BABAM2: variants seen among roughly 807,000 people sequenced by gnomAD.
BABAM2 encodes BRISC and BRCA1-A complex member 2.
A neutral mutation model predicts 54.7 loss-of-function variants in BABAM2; 31 were observed. The observed-to-expected ratio is 0.57, with a 90% CI of 0.43 to 0.77. The LOEUF (loss-of-function observed/expected upper bound fraction) is 0.77, where lower values mean the gene tolerates loss of function less well. Ranked by LOEUF, BABAM2 falls within the 30% of genes least tolerant of loss-of-function variation. BABAM2 has a pLI of 0.00. For missense variants in BABAM2, 364 were observed against 455.8 expected, an observed-to-expected ratio of 0.80 and a Z score of 1.83; for synonymous variants, 167 against 162.9, an observed-to-expected ratio of 1.03 and a Z score of -0.19.
chr2:28,183,768 C>CACAT (rs1675922662), intron 7 of BABAM2, among the ~76,000 whole-genome samples: 1 of 151,906 alleles, frequency 6.6e-6, no homozygotes, highest in Admixed American at 6.6e-5. Flanking sequence ...CACACACACA[C>CACAT]ACACACGTAC....
chr2:27,894,512 A>G (rs777021657), intron 1 of BABAM2, 21 bp from the exon 2 acceptor site: 2 of 1,609,392 alleles, frequency 1.2e-6, no homozygotes. Context: ...CCTGATCATT[A>G]TTCTTTCCTT....
intron 9 of BABAM2, among the ~76,000 whole-genome samples, chr2:28,241,701 T>A (rs961356145): frequency 4.0e-5 from 6 of 151,770 alleles, no homozygotes; most frequent in Admixed American, 3.3e-4. Flanking sequence ...CACCATGTTG[T>A]CCAGGCTGGT....
intron 3 of BABAM2, among the ~76,000 whole-genome samples, chr2:27,949,810 C>T (rs537505683): frequency 1.3e-5 from 2 of 152,206 alleles, no homozygotes; most frequent in South Asian, 4.1e-4. Context: ...AACTGGCACC[C>T]ATCTCTTTAA....
intron 7 of BABAM2, among the ~76,000 whole-genome samples, chr2:28,196,023 T>A (rs914922751): frequency 1.3e-5 from 2 of 152,208 alleles, no homozygotes; most frequent in African/African-American, 4.8e-5. Flanking sequence ...CAGTGTACAA[T>A]GAACTCAAAG....
intron 7 of BABAM2, among the ~76,000 whole-genome samples, chr2:28,137,063 G>A (rs906667829): frequency 2.6e-5 from 4 of 151,548 alleles, no homozygotes; most frequent in African/African-American, 9.7e-5. Context: ...AAAACAATGA[G>A]AAAAATTGTA....
intron 3 of BABAM2, among the ~76,000 whole-genome samples, chr2:27,961,728 T>G (rs1670485349): frequency 6.8e-6 from 1 of 146,206 alleles, no homozygotes; most frequent in African/African-American, 2.5e-5. Flanking sequence ...TTATCTTTTT[T>G]TTTTTTTTTT....
chr2:27,919,634 TA>T (rs1419119676), intron 2 of BABAM2, among the ~76,000 whole-genome samples: 1 of 152,188 alleles, frequency 6.6e-6, no homozygotes, highest in African/African-American at 2.4e-5. Context: ...TTAGCAGAGT[TA>T]ATTAAATGCA....
chr2:28,219,714 C>T (rs754439499), intron 7 of BABAM2, among the ~76,000 whole-genome samples: 7 of 151,360 alleles, frequency 4.6e-5, no homozygotes, highest in Non-Finnish European at 1.0e-4. Flanking sequence ...TGAGAAATTG[C>T]TTTATGTTTA....
chr2:28,164,876 G>T (rs377586854), intron 7 of BABAM2, among the ~76,000 whole-genome samples: 1 of 152,028 alleles, frequency 6.6e-6, no homozygotes, highest in Non-Finnish European at 1.5e-5. Context: ...AGATTTTCCC[G>T]TATGCTTCAG....
At chr2:28,107,024 A>T (rs1332052437) in intron 6 of BABAM2, among the ~76,000 whole-genome samples, 1 of 152,168 alleles carries the variant, frequency 6.6e-6, no homozygotes, top group Non-Finnish European at 1.5e-5. Context: ...AAAGTGATAA[A>T]TCTAGTTCAC....
intron 6 of BABAM2, among the ~76,000 whole-genome samples, chr2:28,092,018 A>G (rs1443478254): frequency 1.3e-5 from 2 of 152,118 alleles, no homozygotes; most frequent in African/African-American, 4.8e-5. Context: ...GGATGTTAGG[A>G]TGTTGCAAGA....
chr2:28,042,359 A>T (rs184440330), intron 5 of BABAM2, among the ~76,000 whole-genome samples: 128 of 152,318 alleles, frequency 8.4e-4, no homozygotes, highest in Non-Finnish European at 9.0e-4. Context: ...AAATAAAGAA[A>T]AGGGTCTTAG....
chr2:28,323,589 C>T (rs1441704430), intron 11 of BABAM2, among the ~76,000 whole-genome samples: 1 of 152,120 alleles, frequency 6.6e-6, no homozygotes, highest in African/African-American at 2.4e-5. Flanking sequence ...GTGGCTTCTC[C>T]AAAGCAGCGT....
intron 6 of BABAM2, among the ~76,000 whole-genome samples, chr2:28,098,562 C>T (rs186381550): frequency 2.6e-5 from 4 of 152,220 alleles, no homozygotes; most frequent in Non-Finnish European, 4.4e-5. Flanking sequence ...TCTCCAATAT[C>T]TAATTGCCTA....
At chr2:28,032,453 A>G (rs1373932721) in intron 5 of BABAM2, among the ~76,000 whole-genome samples, 1 of 152,052 alleles carries the variant, frequency 6.6e-6, no homozygotes, top group African/African-American at 2.4e-5. Context: ...TGCCCCCTGA[A>G]CCTCCATTTA....
intron 6 of BABAM2, among the ~76,000 whole-genome samples, chr2:28,092,212 T>A (rs1235695738): frequency 6.6e-6 from 1 of 152,062 alleles, no homozygotes; most frequent in African/African-American, 2.4e-5. Flanking sequence ...AACTTTGTAA[T>A]CAATGCCATA....
At chr2:28,020,678 A>G (rs1675178115) in intron 4 of BABAM2, among the ~76,000 whole-genome samples, 1 of 152,072 alleles carries the variant, frequency 6.6e-6, no homozygotes, top group South Asian at 2.1e-4. Flanking sequence ...AATTGTTTAT[A>G]AATTATATAT....
chr2:28,327,916 A>C (rs530494455), intron 11 of BABAM2, among the ~76,000 whole-genome samples: 12 of 152,324 alleles, frequency 7.9e-5, no homozygotes, highest in African/African-American at 2.2e-4. Flanking sequence ...GACTGTGTAC[A>C]TGAACCAGTT....
At chr2:27,980,825 T>C (rs957561610) in intron 3 of BABAM2, among the ~76,000 whole-genome samples, 3 of 152,074 alleles carry the variant, frequency 2.0e-5, no homozygotes, top group Non-Finnish European at 2.9e-5. Flanking sequence ...TAAGATCTAG[T>C]GTTTGGCAGC....
Sources: allele counts gnomAD v4.1 joint callset (sites outside exome capture counted in the v4.1 genomes callset), GRCh38; gene constraint gnomAD v4.1.1; transcripts MANE v1.5; gene names NCBI Gene and HGNC (gene_info 2026-07-23, HGNC 2026-07-21).